The following EIF4G3 variants were observed in gnomAD, a reference collection of about 807,000 sequenced individuals.
EIF4G3 encodes the protein eukaryotic translation initiation factor 4 gamma 3.
EIF4G3 carries 34 observed loss-of-function variants against 186.4 expected under a neutral mutation model. That is an observed-to-expected ratio of 0.18 (90% CI 0.14 to 0.24). The LOEUF (loss-of-function observed/expected upper bound fraction) is 0.24. EIF4G3 is among the 10% of genes least tolerant of loss of function. EIF4G3 has a pLI of 1.00. For synonymous variants in EIF4G3, 673 were observed against 679.5 expected, an observed-to-expected ratio of 0.99 and a Z score of 0.15; for missense variants, 1,536 against 1,948.5, an observed-to-expected ratio of 0.79 and a Z score of 3.99.
Position 20,914,580 on chromosome 1 carries a change from C to G in EIF4G3, c.1664-9609G>C, listed in dbSNP as rs939254573. On this transcript the variant is annotated intron_variant, in intron 14 of 36. Transcript: ENST00000602326. Reference sequence around the variant, plus strand: ...AAACCCATTTTGGACTTCTGACATCCAAAACTGTAAGATAATTAATGTGTA... The same window carrying G: ...AAACCCATTTTGGACTTCTGACATCGAAAACTGTAAGATAATTAATGTGTA... 2.0e-5 allele frequency among the ~76,000 whole-genome samples: 3 copies of G among 152,216 alleles called. No homozygotes were observed. The South Asian group carries it at 6.2e-4, about 32-fold the overall frequency.
At chr1:21,051,094 C>T in intron 3 of EIF4G3, 100 bp from the exon 4 acceptor site, 3 of 672,368 alleles carry the variant, frequency 4.5e-6, no homozygotes, top group South Asian at 1.6e-5. Context: ...TCCTACCTCA[C>T]AACTTACACT....
intron 32 of EIF4G3, among the ~76,000 whole-genome samples, chr1:20,827,384 T>C (rs2063907908): frequency 6.6e-6 from 1 of 152,164 alleles, no homozygotes; most frequent in East Asian, 1.9e-4. Context: ...AAATAAAACA[T>C]GACTTGAGAT....
chr1:20,902,027 A>G (rs2090472345), intron 15 of EIF4G3, among the ~76,000 whole-genome samples: 1 of 152,112 alleles, frequency 6.6e-6, no homozygotes, highest in Non-Finnish European at 1.5e-5. Flanking sequence ...AGCAATTTTA[A>G]TATGAAATCA....
chr1:21,124,273 G>A (rs561282975), intron 2 of EIF4G3, among the ~76,000 whole-genome samples: 2 of 146,298 alleles, frequency 1.4e-5, no homozygotes, highest in South Asian at 4.4e-4. Context: ...TGACAAGAGC[G>A]AGACTCGGTC....
chr1:20,986,999 T>C (rs548743887), intron 7 of EIF4G3, among the ~76,000 whole-genome samples: 2 of 152,140 alleles, frequency 1.3e-5, no homozygotes, highest in Non-Finnish European at 2.9e-5. Flanking sequence ...TCCAACAAGA[T>C]AGGATACTTT....
At chr1:20,816,472 C>T (rs1430951151) in intron 34 of EIF4G3, among the ~76,000 whole-genome samples, 2 of 110,280 alleles carry the variant, frequency 1.8e-5, no homozygotes, top group African/African-American at 3.5e-5. Flanking sequence ...CCCGGCCAGT[C>T]GCCCCGTCCG....
chr1:20,880,051 C>T (rs953563934), intron 19 of EIF4G3, among the ~76,000 whole-genome samples: 2 of 151,274 alleles, frequency 1.3e-5, no homozygotes, highest in Non-Finnish European at 2.9e-5. Context: ...TAGAAGAGAT[C>T]TTCCTAGACT....
At chr1:21,002,325 G>T (rs1222635835) in intron 5 of EIF4G3, among the ~76,000 whole-genome samples, 1 of 152,158 alleles carries the variant, frequency 6.6e-6, no homozygotes, top group Non-Finnish European at 1.5e-5. Flanking sequence ...TGGAATTTGA[G>T]AATTTAATTA....
At chr1:20,984,189 T>A (rs1262156514) in intron 7 of EIF4G3, among the ~76,000 whole-genome samples, 1 of 152,038 alleles carries the variant, frequency 6.6e-6, no homozygotes, top group Non-Finnish European at 1.5e-5. Flanking sequence ...CGGGGGGAGA[T>A]GGAGTCTTGC....
At chr1:20,920,107 T>C (rs543425699) in intron 14 of EIF4G3, among the ~76,000 whole-genome samples, 3 of 152,122 alleles carry the variant, frequency 2.0e-5, no homozygotes, top group Non-Finnish European at 2.9e-5. Flanking sequence ...GGTTTCTCCA[T>C]GTTGGTCAGG....
intron 25 of EIF4G3, among the ~76,000 whole-genome samples, chr1:20,856,919 T>C (rs1021906429): frequency 3.9e-5 from 6 of 152,004 alleles, no homozygotes; most frequent in African/African-American, 1.4e-4. Context: ...TCCCAGCACT[T>C]TGGGAGGCCG....
At chr1:20,873,722 TAAAAA>T (rs35292233) in intron 20 of EIF4G3, among the ~76,000 whole-genome samples, 1 of 137,110 alleles carries the variant, frequency 7.3e-6, no homozygotes, top group Non-Finnish European at 1.5e-5. Context: ...TTTTTTTCCT[TAAAAA>T]AAAAAAAAAA....
chr1:21,080,682 G>T (rs975715607), intron 3 of EIF4G3, among the ~76,000 whole-genome samples: 1 of 151,954 alleles, frequency 6.6e-6, no homozygotes, highest in Non-Finnish European at 1.5e-5. Context: ...GCTAATTTTT[G>T]TATTTTTAGT....
intron 12 of EIF4G3, among the ~76,000 whole-genome samples, chr1:20,964,978 T>C (rs2074290936): frequency 6.6e-6 from 1 of 152,170 alleles, no homozygotes; most frequent in African/African-American, 2.4e-5. Context: ...CTGGGTGAGT[T>C]CCCTGCTGTC....
At chr1:20,835,864 G>C (rs1419090681) in intron 30 of EIF4G3, among the ~76,000 whole-genome samples, 3 of 151,784 alleles carry the variant, frequency 2.0e-5, no homozygotes, top group Admixed American at 6.6e-5. Flanking sequence ...TTGAGCCCAG[G>C]AGGTTGAGGT....
intron 4 of EIF4G3, chr1:21,003,793 T>C (rs1346761585): frequency 1.6e-5 from 7 of 433,598 alleles, no homozygotes; most frequent in Admixed American, 7.5e-5. Flanking sequence ...ATTTCAAATT[T>C]GCCAATGTAA....
At position 20,899,768 on chromosome 1, in the gene EIF4G3, C is replaced by A; in HGVS notation, c.1928G>T (p.Gly643Val). ...VRNGAESVSE[G>V]EGIDANSGST... ...GCCTGAATTAGCATCTATTCCTTCA[C>A]CCTCAGAAACACTCTCAGCACCATT... Residue 643 changes from glycine (G) to valine (V), a missense_variant, in exon 16 of 37, where the codon GGT (glycine) becomes GTT (valine). This residue lies in a region of EIF4G3 where 560 missense variants were observed against 547.8 expected (regional missense o/e 1.02). Transcript: ENST00000602326. 2 of 1,614,118 alleles carry A rather than the reference C, an allele frequency of 1.2e-6. No homozygotes were observed. The highest frequency in any genetic ancestry group is 1.7e-6 in the Non-Finnish European group (2 of 1,180,000).
At chr1:20,872,983 T>G (rs2079652986) in intron 20 of EIF4G3, among the ~76,000 whole-genome samples, 1 of 152,218 alleles carries the variant, frequency 6.6e-6, no homozygotes, top group Non-Finnish European at 1.5e-5. Context: ...GTAATCCGCC[T>G]GCCCTGGCCT....
intron 2 of EIF4G3, among the ~76,000 whole-genome samples, chr1:21,093,854 A>T (rs1479442809): frequency 6.6e-6 from 1 of 152,144 alleles, no homozygotes; most frequent in Non-Finnish European, 1.5e-5. Context: ...TATCACAAGG[A>T]CAAAAAACCA....
Sources: allele counts gnomAD v4.1 joint callset (sites outside exome capture counted in the v4.1 genomes callset), GRCh38; gene constraint gnomAD v4.1.1; regional missense constraint gnomAD v4.1.1; transcripts MANE v1.5; gene names NCBI Gene and HGNC (gene_info 2026-07-23, HGNC 2026-07-21).